The following TRDN variants were observed in gnomAD, a reference collection of about 807,000 sequenced individuals.
The protein encoded by TRDN is triadin, also known as triadin in skeletal muscle.
Under a neutral mutation model 149.7 loss-of-function variants are expected in TRDN, and 161 were observed. The ratio of observed to expected loss-of-function variants is 1.08; its 90% confidence interval spans 0.95 to 1.23. The LOEUF (loss-of-function observed/expected upper bound fraction) is 1.23. Among genes scored for constraint, TRDN ranks in the 50% most tolerant of loss-of-function variants. The pLI, the probability that TRDN is intolerant of heterozygous loss-of-function variation, is 0.00. For synonymous variants in TRDN, 294 were observed against 250.5 expected (o/e 1.17, Z -1.64); for missense variants, 896 against 823.5 (o/e 1.09, Z -1.08).
At chr6:123,388,108 G>C (rs1384947612) in intron 14 of TRDN, among the ~76,000 whole-genome samples, 1 of 104,418 alleles carries the variant, frequency 9.6e-6, no homozygotes, top group African/African-American at 4.5e-5. Context: ...CAGAGCAATG[G>C]GAGAAAAAAA....
chr6:123,292,177 T>G (rs1778033543), intron 24 of TRDN, among the ~76,000 whole-genome samples: 1 of 152,198 alleles, frequency 6.6e-6, no homozygotes, highest in East Asian at 1.9e-4. Flanking sequence ...AATGGCCATG[T>G]TTTATTTTGT....
chr6:123,397,126 A>T (rs1772763778), intron 12 of TRDN, among the ~76,000 whole-genome samples: 2 of 152,232 alleles, frequency 1.3e-5, no homozygotes, highest in African/African-American at 4.8e-5. Flanking sequence ...AAAAGAGACA[A>T]TAAACAATGT....
At chr6:123,306,373 T>C (rs558876384) in intron 24 of TRDN, among the ~76,000 whole-genome samples, 9 of 152,206 alleles carry the variant, frequency 5.9e-5, no homozygotes, top group African/African-American at 2.2e-4. Flanking sequence ...GTAAAATGAT[T>C]GATTAGTGAT....
rs939635174 is a variant in TRDN at position 123,217,414 on chromosome 6, G to A, written c.*1187C>T. 1 of 151,888 alleles carries A rather than the reference G, an allele frequency of 6.6e-6. No homozygotes were observed. 9.4% of individuals were successfully genotyped at this position (151,888 alleles called of 1,614,324 possible). ...CCTGAGTTAATTTGTCATAAGTTCA[G>A]TTGCAATTGTAAACATGATAAAGGT... On this transcript the variant is annotated 3_prime_UTR_variant, in exon 41 of 41. Coordinates refer to ENST00000334268, the MANE Select transcript of TRDN (RefSeq NM_006073.4).
chr6:123,233,556 C>G (rs1405309695), intron 38 of TRDN, among the ~76,000 whole-genome samples: 3 of 152,004 alleles, frequency 2.0e-5, no homozygotes, highest in African/African-American at 7.2e-5. Flanking sequence ...TGAATGAGGC[C>G]ACAGTGCTGG....
intron 4 of TRDN, 45 bp from the exon 5 acceptor site, chr6:123,530,610 T>C (rs1249626170): frequency 2.5e-5 from 28 of 1,107,520 alleles, no homozygotes; most frequent in Non-Finnish European, 2.8e-5. Context: ...TGAAAATGTA[T>C]AAAATTTAAG....
At chr6:123,259,512 T>G in intron 35 of TRDN, 112 bp downstream of exon 35, 1 of 688,292 alleles carries the variant, frequency 1.5e-6, no homozygotes, top group Non-Finnish European at 2.5e-6. Flanking sequence ...ATAAAATCAG[T>G]GTCTTCATTT....
At chr6:123,573,591 C>A (rs1358855) in intron 1 of TRDN, among the ~76,000 whole-genome samples, 83,224 of 151,694 alleles carry the variant, frequency 0.55, 22,941 homozygotes, top group Admixed American at 0.57. Flanking sequence ...TTTTCAGGGA[C>A]TCAAAAAAGG....
chr6:123,616,445 T>A (rs1785089176), intron 1 of TRDN, among the ~76,000 whole-genome samples: 1 of 152,196 alleles, frequency 6.6e-6, no homozygotes, highest in African/African-American at 2.4e-5. Context: ...GTGTCTGATA[T>A]GTTGTAGGAA....
At chr6:123,502,238 A>T in intron 8 of TRDN, 1 of 972,714 alleles carries the variant, frequency 1.0e-6, no homozygotes. Context: ...GTAAAATATT[A>T]TATTCAACGT....
At chr6:123,381,260 G>A in intron 16 of TRDN, 110 bp downstream of exon 16, 1 of 999,192 alleles carries the variant, frequency 1.0e-6, no homozygotes, top group East Asian at 2.7e-5. Flanking sequence ...GAGTTCACAT[G>A]CATAAAACAT....
intron 1 of TRDN, among the ~76,000 whole-genome samples, chr6:123,619,442 C>A (rs1785268971): frequency 6.6e-6 from 1 of 152,146 alleles, no homozygotes; most frequent in African/African-American, 2.4e-5. Flanking sequence ...GGGCCTGCCT[C>A]CAGGCTGCTT....
At chr6:123,594,305 A>G (rs1783926259) in intron 1 of TRDN, among the ~76,000 whole-genome samples, 1 of 152,114 alleles carries the variant, frequency 6.6e-6, no homozygotes, top group Admixed American at 6.6e-5. Context: ...TTATGAATCT[A>G]TAACTGTAAA....
At chr6:123,483,842 A>T (rs1054621989) in intron 9 of TRDN, among the ~76,000 whole-genome samples, 1 of 152,186 alleles carries the variant, frequency 6.6e-6, no homozygotes, top group Non-Finnish European at 1.5e-5. Flanking sequence ...AGCAACTCAG[A>T]TGTTGATGAA....
At chr6:123,250,880 C>T (rs79326540) in intron 38 of TRDN, among the ~76,000 whole-genome samples, 1,986 of 152,118 alleles carry the variant, frequency 0.013, 50 homozygotes, top group East Asian at 0.079. Flanking sequence ...CAGTTTCACC[C>T]GAAATGTGCT....
chr6:123,574,741 G>A (rs1782745379), intron 1 of TRDN, among the ~76,000 whole-genome samples: 1 of 151,090 alleles, frequency 6.6e-6, no homozygotes, highest in African/African-American at 2.4e-5. Context: ...ACACATACCT[G>A]CTTTGTATAC....
At chr6:123,635,562 G>A (rs994513713) in intron 1 of TRDN, among the ~76,000 whole-genome samples, 14 of 151,922 alleles carry the variant, frequency 9.2e-5, no homozygotes, top group African/African-American at 2.2e-4. Flanking sequence ...TTATTAATAC[G>A]AGGTGTCAGA....
chr6:123,369,834 T>C (rs548182361), intron 19 of TRDN, among the ~76,000 whole-genome samples: 1 of 152,176 alleles, frequency 6.6e-6, no homozygotes, highest in Non-Finnish European at 1.5e-5. Flanking sequence ...AAGGCCTTTG[T>C]TCTTGCCAGT....
At chr6:123,487,849 C>G (rs1778041187) in intron 9 of TRDN, among the ~76,000 whole-genome samples, 2 of 152,230 alleles carry the variant, frequency 1.3e-5, no homozygotes, top group South Asian at 4.1e-4. Context: ...TATTATCCAT[C>G]TTTCAAGTTC....
Sources: gnomAD v4.1 joint callset for allele counts (sites outside exome capture counted in the v4.1 genomes callset) on GRCh38, gnomAD v4.1.1 for gene constraint, MANE v1.5 for transcripts, NCBI Gene and HGNC (gene_info 2026-07-23, HGNC 2026-07-21) for gene names.